The following MDGA2 variants were observed in gnomAD, a reference collection of about 807,000 sequenced individuals.
MDGA2 encodes MAM domain-containing glycosylphosphatidylinositol anchor protein 2.
Under a neutral mutation model 117.8 loss-of-function variants are expected in MDGA2, and 40 were observed. The ratio of observed to expected loss-of-function variants is 0.34; its 90% CI spans 0.26 to 0.44. The LOEUF is 0.44. MDGA2 is among the 20% of genes least tolerant of loss of function. The pLI, the probability that MDGA2 is intolerant of heterozygous loss-of-function variation, is 1.00. For missense variants in MDGA2, 1,123 were observed against 1,250.6 expected (o/e 0.90, Z 1.54); for synonymous variants, 452 against 439.0 (o/e 1.03, Z -0.37).
chr14:47,651,877 G>C (rs574922834), intron 1 of MDGA2, among the ~76,000 whole-genome samples: 4 of 152,314 alleles, frequency 2.6e-5, no homozygotes, highest in African/African-American at 9.6e-5. Context: ...TTAATGAGAA[G>C]AGGTAGGATG....
intron 8 of MDGA2, among the ~76,000 whole-genome samples, chr14:46,968,613 C>A (rs34949422): frequency 0.12 from 17,850 of 151,738 alleles, 2,010 homozygotes; most frequent in African/African-American, 0.27. Context: ...GTGGGTGGAT[C>A]ACAAAGTCAG....
Position 47,571,812 on chromosome 14 carries a change from C to T in MDGA2, c.280+102705G>A, listed in dbSNP as rs144468186. Among the ~76,000 whole-genome samples the T allele has an allele frequency of 9.2e-3, 1,406 of 152,032 alleles. 22 individuals are homozygous for T. Among genetic ancestry groups the T allele is most frequent in the African/African-American group, 0.032 (1,317 of 41,420 alleles). On this transcript the variant is annotated intron_variant, in intron 1 of 16. Coordinates refer to ENST00000399232, the MANE Select transcript of MDGA2 (RefSeq NM_001113498.3). ...TAGGAGAAATACCTAATGTAGATGA[C>T]GGGTTGATGGGTGCAGCAAACCACC...
At chr14:47,366,644 T>C (rs1165343076) in intron 1 of MDGA2, among the ~76,000 whole-genome samples, 1 of 152,108 alleles carries the variant, frequency 6.6e-6, no homozygotes, top group Admixed American at 6.6e-5. Flanking sequence ...ATATGTACTA[T>C]ATTTTTAAAG....
At chr14:47,519,268 T>C (rs1894819674) in intron 1 of MDGA2, among the ~76,000 whole-genome samples, 1 of 152,164 alleles carries the variant, frequency 6.6e-6, no homozygotes, top group Admixed American at 6.5e-5. Flanking sequence ...TTTATTTTGT[T>C]TTTAGTTCTT....
chr14:47,638,011 A>C (rs2138238634), intron 1 of MDGA2, among the ~76,000 whole-genome samples: 1 of 152,316 alleles, frequency 6.6e-6, no homozygotes, highest in African/African-American at 2.4e-5. Context: ...GGCTTTGAAC[A>C]TGTGATTATA....
At chr14:46,962,136 C>T (rs901733050) in intron 8 of MDGA2, among the ~76,000 whole-genome samples, 6 of 152,242 alleles carry the variant, frequency 3.9e-5, no homozygotes, top group Non-Finnish European at 5.9e-5. Context: ...TTTGTGTCCA[C>T]GGGCAACTAT....
intron 6 of MDGA2, among the ~76,000 whole-genome samples, chr14:47,072,106 G>GA (rs1890309165): frequency 7.3e-6 from 1 of 137,094 alleles, no homozygotes; most frequent in Non-Finnish European, 1.6e-5. Context: ...TTGTTTGGGG[G>GA]GGGGGGGGTT....
intron 1 of MDGA2, among the ~76,000 whole-genome samples, chr14:47,516,730 A>G (rs577867386): frequency 4.7e-4 from 72 of 152,310 alleles, no homozygotes; most frequent in African/African-American, 1.7e-3. Flanking sequence ...AGCAAAGCCA[A>G]ACTTCAAAGA....
At chr14:47,509,411 G>T (rs1566491252) in intron 1 of MDGA2, among the ~76,000 whole-genome samples, 1 of 152,174 alleles carries the variant, frequency 6.6e-6, no homozygotes, top group Non-Finnish European at 1.5e-5. Flanking sequence ...GCACAGAAGG[G>T]GGAAGTGTGG....
At chr14:46,968,007 G>T (rs60799806) in intron 8 of MDGA2, among the ~76,000 whole-genome samples, 17,934 of 152,044 alleles carry the variant, frequency 0.12, 2,017 homozygotes, top group African/African-American at 0.27. Flanking sequence ...TCAATAATCC[G>T]AAGCATGAGA....
intron 1 of MDGA2, among the ~76,000 whole-genome samples, chr14:47,312,907 T>A (rs887446384): frequency 3.1e-5 from 4 of 130,480 alleles, no homozygotes; most frequent in Admixed American, 7.6e-5. Context: ...ACAAGATTTT[T>A]AAATTTAATT....
chr14:47,286,150 C>A (rs947120955), intron 2 of MDGA2, among the ~76,000 whole-genome samples: 1 of 151,924 alleles, frequency 6.6e-6, no homozygotes, highest in African/African-American at 2.4e-5. Flanking sequence ...TGTTTTGATA[C>A]AAGCATACAG....
chr14:47,085,056 T>C (rs1180030305), intron 6 of MDGA2, among the ~76,000 whole-genome samples: 1 of 151,792 alleles, frequency 6.6e-6, no homozygotes, highest in Non-Finnish European at 1.5e-5. Context: ...TAAATAATCC[T>C]TGGGTCAAAG....
At chr14:46,974,921 C>A (rs953659339) in intron 8 of MDGA2, among the ~76,000 whole-genome samples, 2 of 151,500 alleles carry the variant, frequency 1.3e-5, no homozygotes, top group African/African-American at 4.9e-5. Context: ...ATGTAACCCA[C>A]AGAATGAAAG....
chr14:47,297,838 T>A (rs914278591), intron 2 of MDGA2, among the ~76,000 whole-genome samples: 1 of 152,200 alleles, frequency 6.6e-6, no homozygotes, highest in African/African-American at 2.4e-5. Flanking sequence ...AAACCATTTT[T>A]AAAATCTACT....
intron 3 of MDGA2, among the ~76,000 whole-genome samples, chr14:47,158,045 C>G (rs1240661162): frequency 6.6e-6 from 1 of 151,872 alleles, no homozygotes; most frequent in Non-Finnish European, 1.5e-5. Flanking sequence ...ATTATACATA[C>G]AGTCATGTGC....
intron 1 of MDGA2, among the ~76,000 whole-genome samples, chr14:47,596,491 C>T (rs529295722): frequency 2.6e-5 from 4 of 152,106 alleles, no homozygotes; most frequent in South Asian, 2.1e-4. Flanking sequence ...GTATCATGCA[C>T]GTGACGTTTG....
intron 1 of MDGA2, among the ~76,000 whole-genome samples, chr14:47,399,453 C>T (rs998310284): frequency 1.3e-5 from 2 of 152,118 alleles, no homozygotes; most frequent in Non-Finnish European, 2.9e-5. Context: ...CTTCTGTATT[C>T]TCAAAATAAC....
chr14:47,403,024 T>C (rs1412242225), intron 1 of MDGA2, among the ~76,000 whole-genome samples: 1 of 152,174 alleles, frequency 6.6e-6, no homozygotes, highest in Non-Finnish European at 1.5e-5. Flanking sequence ...CACAAAAGCA[T>C]TCTTAAGATC....
Sources: gnomAD v4.1 joint callset for allele counts (sites outside exome capture counted in the v4.1 genomes callset) on GRCh38, gnomAD v4.1.1 for gene constraint, MANE v1.5 for transcripts, NCBI Gene and HGNC (gene_info 2026-07-23, HGNC 2026-07-21) for gene names.